The following FBXL3 variants were observed in gnomAD, a reference collection of about 807,000 sequenced individuals.
FBXL3 encodes the protein F-box and leucine rich repeat protein 3.
Under a neutral mutation model 37.9 loss-of-function variants are expected in FBXL3, and 14 were observed. The ratio of observed to expected loss-of-function variants is 0.37; its 90% CI spans 0.24 to 0.58. FBXL3 has a LOEUF of 0.58. Among genes scored for constraint, FBXL3 ranks in the 20% least tolerant of loss-of-function variants. The pLI is 0.74. For missense variants in FBXL3, 327 were observed against 511.1 expected, an observed-to-expected ratio of 0.64 and a Z score of 3.47; for synonymous variants, 194 against 180.1, an observed-to-expected ratio of 1.08 and a Z score of -0.62.
chr13:77,021,534 A>T lies in FBXL3; in HGVS notation c.327T>A (p.His109Gln). The T allele has an allele frequency of 6.2e-7, 1 of 1,612,008 alleles. No individual in the cohort carries two copies. Among genetic ancestry groups the T allele is most frequent in the Non-Finnish European group, 8.5e-7 (1 of 1,178,372 alleles). The change falls in exon 2 of 5, where the codon CAT becomes CAA. Residue 109 changes from histidine (H) to glutamine (Q), a missense_variant. Coordinates refer to ENST00000355619, the MANE Select transcript of FBXL3 (RefSeq NM_012158.4). ...TTACCTTGAAGCTGACATATTGTAG[A>T]TGGTTTGAATGTCTTTTAATAATCT... ...IKQIIKRHSN[H>Q]LQYVSFKVDS...
chr13:77,020,142 T>C (rs637058), intron 2 of FBXL3, among the ~76,000 whole-genome samples: 147,552 of 152,252 alleles, frequency 0.97, 71,548 homozygotes, highest in Middle Eastern at 1. Flanking sequence ...TCCCCCTACC[T>C]TTGCCCCCAG....
At chr13:77,017,790 A>C (rs1275263182) in intron 3 of FBXL3, 7 of 152,162 alleles carry the variant, frequency 4.6e-5, no homozygotes, top group Non-Finnish European at 1.5e-5. Flanking sequence ...CATTCCACTG[A>C]AACGACCACT....
chr13:77,021,340 G>GCT (rs1324806860), intron 2 of FBXL3, among the ~76,000 whole-genome samples, 173 bp downstream of exon 2: 1 of 151,434 alleles, frequency 6.6e-6, no homozygotes. Context: ...GAGTAATTTA[G>GCT]CTCCATCAAA....
chr13:77,007,817 G>A (rs2034478690), intron 4 of FBXL3, 29 bp from the exon 5 acceptor site: 1 of 1,521,048 alleles, frequency 6.6e-7, no homozygotes, highest in South Asian at 1.3e-5. Flanking sequence ...TTATTTGCAA[G>A]TTTTTGTAAA....
intron 1 of FBXL3, among the ~76,000 whole-genome samples, chr13:77,023,345 A>AGAGAGAGAGTGTGTGT (rs199568005): frequency 4.0e-3 from 586 of 147,592 alleles, no homozygotes; most frequent in Non-Finnish European, 6.2e-3. Flanking sequence ...AGAGAGAGAG[A>AGAGAGAGAGTGTGTGT]GTGTGTGTGT....
Position 77,027,034 on chromosome 13 carries a change from AAAG to A in FBXL3, c.-212_-210del, listed in dbSNP as rs1438621716. The A allele has an allele frequency of 6.6e-6, 1 of 151,878 alleles. No homozygotes were observed. Among genetic ancestry groups the A allele is most frequent in the Non-Finnish European group, 1.5e-5 (1 of 67,962 alleles). The allele number at this position is 151,878 out of a possible 1,614,324, so 9.4% of individuals were successfully genotyped here. A position where few individuals can be genotyped will look rare whatever the true frequency, so the allele number is the denominator to read the frequency against. On this transcript the variant is annotated 5_prime_UTR_variant, in exon 1 of 5. Transcript: ENST00000355619. ...CACCTTTGCGGCTCTGGCTGCCCAG[AAAG>A]AAGCTTTCCTTCTCAGTCCCGCGCT... is the stretch of plus-strand genomic sequence containing the variant.
intron 1 of FBXL3, among the ~76,000 whole-genome samples, chr13:77,023,345 A>AGAGAGAGAGT (rs199568005): frequency 2.7e-5 from 4 of 147,504 alleles, no homozygotes; most frequent in Non-Finnish European, 4.5e-5. Context: ...AGAGAGAGAG[A>AGAGAGAGAGT]GTGTGTGTGT....
At chr13:77,011,183 T>TA (rs1410939531) in intron 4 of FBXL3, among the ~76,000 whole-genome samples, 1 of 151,498 alleles carries the variant, frequency 6.6e-6, no homozygotes, top group African/African-American at 2.4e-5. Flanking sequence ...CTACTAAAAA[T>TA]ACAAAAATTA....
chr13:77,014,712 G>C (rs1194878715), intron 4 of FBXL3: 1 of 152,178 alleles, frequency 6.6e-6, no homozygotes, highest in Non-Finnish European at 1.5e-5. Flanking sequence ...ACAGCTAAAG[G>C]ATCAGCAAAC....
chr13:77,020,807 C>T (rs1433648105), intron 2 of FBXL3, among the ~76,000 whole-genome samples: 3 of 152,142 alleles, frequency 2.0e-5, no homozygotes, highest in Middle Eastern at 3.2e-3. Flanking sequence ...TCATAGCTCA[C>T]CACAACCTCA....
chr13:77,013,903 TA>T (rs964074879), intron 4 of FBXL3: 2 of 152,140 alleles, frequency 1.3e-5, no homozygotes, highest in African/African-American at 4.8e-5. Context: ...GTATATTTAA[TA>T]AAAATGAATG....
chr13:77,020,468 G>A (rs2034721629), intron 2 of FBXL3, among the ~76,000 whole-genome samples: 1 of 152,176 alleles, frequency 6.6e-6, no homozygotes, highest in African/African-American at 2.4e-5. Context: ...CACCTAAGAG[G>A]AAATTACATT....
chr13:77,007,669 A>G lies in FBXL3; in HGVS notation c.763T>C (p.Leu255=), dbSNP rs888492011. 3 of 1,614,226 alleles carry G rather than the reference A, an allele frequency of 1.9e-6. No individual in the cohort carries two copies. The highest frequency in any genetic ancestry group is 2.7e-5 in the African/African-American group (2 of 75,066). The change falls in exon 5 of 5, where the codon TTG becomes CTG. Residue 255 remains leucine (L), a synonymous_variant. Transcript: ENST00000355619. ...SSEKHVRLEH[L]RIDVVSENPG... The stretch of plus-strand genomic sequence containing the variant: ...TTCTCACTGACTACATCAATGCGCA[A>G]ATGTTCTAATCGAACATGTTTTTCA...
chr13:77,026,423 C>T, intron 1 of FBXL3: 1 of 958,788 alleles, frequency 1.0e-6, no homozygotes, highest in Non-Finnish European at 1.2e-6. Context: ...CCTCATTGCT[C>T]AAGCTACCAG....
intron 4 of FBXL3, chr13:77,013,453 A>G (rs1425387805): frequency 2.0e-5 from 3 of 152,170 alleles, no homozygotes; most frequent in Non-Finnish European, 4.4e-5. Context: ...TGGCAATAAC[A>G]TGATTATTGT....
At chr13:77,025,803 C>A (rs1018395503) in intron 1 of FBXL3, among the ~76,000 whole-genome samples, 4 of 151,460 alleles carry the variant, frequency 2.6e-5, no homozygotes, top group African/African-American at 9.7e-5. Flanking sequence ...ACTGGGCATG[C>A]AATAATTTTA....
intron 3 of FBXL3, chr13:77,016,072 GATT>G (rs2034637768): frequency 1.3e-5 from 2 of 152,234 alleles, no homozygotes; most frequent in South Asian, 2.1e-4. Context: ...TAGAAAATTT[GATT>G]ATAAAACAAT....
rs2034462092 is a variant in FBXL3, at chr13:77,006,951, C to T, written c.*194G>A. On this transcript the variant is annotated 3_prime_UTR_variant, in exon 5 of 5. Coordinates refer to ENST00000355619, the MANE Select transcript of FBXL3 (RefSeq NM_012158.4). ...AAATTCGGAGATATGACTGCTATTA[C>T]ACTAAGGAAACAAGTGGAATTTTCT... 8 of 1,402,908 alleles carry T rather than the reference C, an allele frequency of 5.7e-6. No individual in the cohort carries two copies. Among genetic ancestry groups the T allele is most frequent in the Non-Finnish European group, 7.4e-6 (8 of 1,083,060 alleles). 86.9% of individuals were successfully genotyped at this position (1,402,908 alleles called of 1,614,324 possible).
intron 4 of FBXL3, among the ~76,000 whole-genome samples, chr13:77,012,170 TGTG>T (rs2154036442): frequency 6.6e-6 from 1 of 152,316 alleles, no homozygotes; most frequent in South Asian, 2.1e-4. Flanking sequence ...ATTCTAAAAT[TGTG>T]GTGATGCATG....
Sources: allele counts gnomAD v4.1 joint callset (sites outside exome capture counted in the v4.1 genomes callset), GRCh38; gene constraint gnomAD v4.1.1; transcripts MANE v1.5; gene names NCBI Gene and HGNC (gene_info 2026-07-23, HGNC 2026-07-21).